The following HMGXB4 variants were observed in gnomAD, a reference collection of about 807,000 sequenced individuals.
HMGXB4 encodes HMG-box containing 4.
A neutral mutation model predicts 63.9 loss-of-function variants in HMGXB4; 27 were observed. That is an observed-to-expected ratio of 0.42 (90% CI 0.31 to 0.58). The LOEUF is 0.58. Among genes scored for constraint, HMGXB4 ranks in the 20% least tolerant of loss-of-function variants. The pLI is 0.13. For missense variants in HMGXB4, 624 were observed against 700.7 expected, an observed-to-expected ratio of 0.89 and a Z score of 1.24; for synonymous variants, 264 against 265.3, an observed-to-expected ratio of 0.99 and a Z score of 0.05.
upstream of HMGXB4, among the ~76,000 whole-genome samples, chr22:35,255,491 G>A (rs957125631): frequency 6.6e-6 from 1 of 152,146 alleles, no homozygotes; most frequent in Non-Finnish European, 1.5e-5. Context: ...CTCCAGCCTG[G>A]GTGACAGAGA....
chr22:35,291,161 G>A (rs183684853), intron 9 of HMGXB4, among the ~76,000 whole-genome samples: 3 of 152,292 alleles, frequency 2.0e-5, no homozygotes, highest in African/African-American at 7.2e-5. Context: ...TACTTGTGGG[G>A]CTAAGGCAGG....
At chr22:35,280,373 C>T (rs989389973) in intron 5 of HMGXB4, among the ~76,000 whole-genome samples, 14 of 152,160 alleles carry the variant, frequency 9.2e-5, no homozygotes, top group Non-Finnish European at 1.9e-4. Context: ...ATTCACGTAA[C>T]GAGTAAATAG....
intron 9 of HMGXB4, among the ~76,000 whole-genome samples, chr22:35,289,334 C>T (rs1924792480): frequency 6.6e-6 from 1 of 152,090 alleles, no homozygotes; most frequent in African/African-American, 2.4e-5. Flanking sequence ...TGGTGCACAC[C>T]TGTAGTCCCA....
chr22:35,256,370 A>G (rs1922403916), upstream of HMGXB4, among the ~76,000 whole-genome samples: 1 of 152,172 alleles, frequency 6.6e-6, no homozygotes, highest in Admixed American at 6.5e-5. Context: ...GCCAATCTAC[A>G]TCTCTAACTT....
intron 5 of HMGXB4, among the ~76,000 whole-genome samples, chr22:35,273,941 G>C (rs1923752233): frequency 6.6e-6 from 1 of 152,208 alleles, no homozygotes; most frequent in Non-Finnish European, 1.5e-5. Flanking sequence ...AATCAGATGA[G>C]GTGCCACACA....
chr22:35,271,650 C>G (rs747191659), intron 5 of HMGXB4, among the ~76,000 whole-genome samples: 10 of 152,180 alleles, frequency 6.6e-5, no homozygotes, highest in Non-Finnish European at 1.3e-4. Context: ...GCAATACATG[C>G]GGAAGTGTTC....
Position 35,265,513 on chromosome 22 carries a change from C to G in HMGXB4, c.1125C>G (p.Pro375=), listed in dbSNP as rs775682430. Residue 375 remains proline, a synonymous_variant, in exon 5 of 11, where the codon CCC becomes CCG. Coordinates refer to ENST00000216106, the MANE Select transcript of HMGXB4 (RefSeq NM_001003681.3). Reference sequence around the variant, plus strand: ...CATACGCTGGAGCAGCAGCACCTCCCCTGCCACTTCCTGGCCTCCACACAG... The same window carrying G: ...CATACGCTGGAGCAGCAGCACCTCCGCTGCCACTTCCTGGCCTCCACACAG... ...SIPYAGAAAP[P]LPLPGLHTDG... 3.1e-6 allele frequency: 5 copies of G among 1,613,802 alleles called. No homozygotes were observed. In the Admixed American group the frequency reaches 8.3e-5, roughly 27 times the overall value.
intron 6 of HMGXB4, among the ~76,000 whole-genome samples, chr22:35,285,523 C>A (rs7291630): frequency 6.6e-6 from 1 of 151,818 alleles, no homozygotes; most frequent in Non-Finnish European, 1.5e-5. Context: ...CCAGCCTGGG[C>A]GACAGAGCGA....
chr22:35,285,947 G>T (rs375541125), intron 6 of HMGXB4, 50 bp from the exon 7 acceptor site: 1 of 1,335,772 alleles, frequency 7.5e-7, no homozygotes, highest in Non-Finnish European at 1.0e-6. Context: ...CTTCTATTTT[G>T]TTAATAGCTA....
chr22:35,263,656 A>G, intron 3 of HMGXB4, 140 bp from the exon 4 acceptor site: 3 of 652,420 alleles, frequency 4.6e-6, no homozygotes, highest in South Asian at 1.9e-5. Flanking sequence ...TGAGAAAAGA[A>G]AAATAAAACG....
chr22:35,274,145 C>T (rs994558805), intron 5 of HMGXB4, among the ~76,000 whole-genome samples: 5 of 152,142 alleles, frequency 3.3e-5, no homozygotes, highest in Admixed American at 6.5e-5. Context: ...GAGGCATGGG[C>T]GCGGAGTACT....
chr22:35,288,558 AATGATAAT>A (rs1924734836), intron 9 of HMGXB4, 151 bp downstream of exon 9: 1 of 490,418 alleles, frequency 2.0e-6, no homozygotes, highest in African/African-American at 2.0e-5. Flanking sequence ...TAGAAGATAT[AATGATAAT>A]AACAGAAATA....
intron 6 of HMGXB4, among the ~76,000 whole-genome samples, chr22:35,284,249 A>G (rs1924436074): frequency 6.6e-6 from 1 of 152,244 alleles, no homozygotes; most frequent in East Asian, 1.9e-4. Flanking sequence ...AAGGTGGGAA[A>G]CTATGTAAAA....
At chr22:35,279,772 C>T (rs1178704797) in intron 5 of HMGXB4, among the ~76,000 whole-genome samples, 1 of 140,692 alleles carries the variant, frequency 7.1e-6, no homozygotes. Flanking sequence ...ATTGTCCTTG[C>T]TCCTTTGTCA....
In HMGXB4 at chr22:35,283,954, G is replaced by T. The variant is rs1335863390; in HGVS notation, c.1216-8G>T. On this transcript the variant is annotated splice_region_variant and splice_polypyrimidine_tract_variant and intron_variant, in intron 5 of 10. Coordinates refer to ENST00000216106, the MANE Select transcript of HMGXB4 (RefSeq NM_001003681.3). ...TCTTACCCTGTTGTATCTTCTATGC[G>T]GCATTAGCCAAAAAAGAAGAACATG... 1.9e-6 allele frequency: 3 copies of T among 1,608,146 alleles called. No homozygotes were observed. The African/African-American group carries it at 4.0e-5, about 21-fold the overall frequency.
chr22:35,284,823 G>A (rs952647785), intron 6 of HMGXB4, among the ~76,000 whole-genome samples: 1 of 152,168 alleles, frequency 6.6e-6, no homozygotes, highest in African/African-American at 2.4e-5. Context: ...CTGGACACAT[G>A]TCACTTAACC....
chr22:35,255,825 A>G (rs1922374189), upstream of HMGXB4, among the ~76,000 whole-genome samples: 1 of 152,246 alleles, frequency 6.6e-6, no homozygotes, highest in African/African-American at 2.4e-5. Flanking sequence ...GAAATACATC[A>G]TTAGGGCTCT....
rs1255712438 is a variant in HMGXB4, at chr22:35,264,862, A to T, written c.474A>T (p.Glu158Asp). 1.2e-6 allele frequency: 2 copies of T among 1,614,120 alleles called. No homozygotes were observed. Among genetic ancestry groups the T allele is most frequent in the Non-Finnish European group, 1.7e-6 (2 of 1,179,966 alleles). ...HRKKVSGSSG[E>D]LPLEDGGSHK... ...AGAAAGTCAGTGGAAGCAGTGGGGA[A>T]CTACCCCTAGAGGATGGTGGCTCCC... is the stretch of plus-strand genomic sequence containing the variant. The change falls in exon 5 of 11, where the codon GAA becomes GAT. Residue 158 changes from glutamate to aspartate, a missense_variant. By Grantham distance (45) the Glu-to-Asp change is conservative. Around this residue, in one of 2 missense-constraint regions of HMGXB4, gnomAD observed 472 missense variants for 470.6 expected, o/e 1.00. Coordinates refer to ENST00000216106, the MANE Select transcript of HMGXB4 (RefSeq NM_001003681.3).
At chr22:35,251,953 TC>T in the HMGXB4 span, among the ~76,000 whole-genome samples, 1 of 152,164 alleles carries the variant, frequency 6.6e-6, no homozygotes, top group Non-Finnish European at 1.5e-5. Flanking sequence ...ACTGGCTCAT[TC>T]CTGTAATCCC....
Sources: gnomAD v4.1 joint callset for allele counts (sites outside exome capture counted in the v4.1 genomes callset) on GRCh38, gnomAD v4.1.1 for gene constraint, gnomAD v4.1.1 regional missense constraint, MANE v1.5 for transcripts, NCBI Gene and HGNC (gene_info 2026-07-23, HGNC 2026-07-21) for gene names.